Variants in PMS1 observed in about 807,000 individuals in gnomAD.
PMS1 encodes the protein PMS1 protein homolog 1.
PMS1 carries 79 observed loss-of-function variants against 93.1 expected under a neutral mutation model. That is an observed-to-expected ratio of 0.85 (90% confidence interval 0.71 to 1.02). The LOEUF (loss-of-function observed/expected upper bound fraction) is 1.02, where lower values mean the gene tolerates loss of function less well. Among genes scored for constraint, PMS1 ranks in the 50% least tolerant of loss-of-function variants. PMS1 has a pLI of 0.00. For synonymous variants in PMS1, 335 were observed against 363.4 expected, an observed-to-expected ratio of 0.92 and a Z score of 0.89; for missense variants, 1,064 against 1,085.3, an observed-to-expected ratio of 0.98 and a Z score of 0.28.
At chr2:189,847,228 A>G (rs2054331267) in intron 6 of PMS1, among the ~76,000 whole-genome samples, 1 of 151,808 alleles carries the variant, frequency 6.6e-6, no homozygotes, top group Non-Finnish European at 1.5e-5. Flanking sequence ...GTCTTTTATT[A>G]TTTGTTTATT....
chr2:189,877,531 C>A lies in PMS1; in HGVS notation c.*95C>A. 2 of 815,082 alleles carry A rather than the reference C, an allele frequency of 2.5e-6. No individual in the cohort carries two copies. Among genetic ancestry groups the A allele is most frequent in the Admixed American group, 2.5e-5 (1 of 40,718 alleles). 50.5% of individuals were successfully genotyped at this position (815,082 alleles called of 1,614,324 possible). ...TAAATTATCTTTGTATTATGTGTCA[C>A]ATGGTTATTTTTTAAATGAGGATTC... is the stretch of plus-strand genomic sequence containing the variant. On this transcript the variant is annotated 3_prime_UTR_variant, in exon 13 of 13. Coordinates refer to ENST00000441310, the MANE Select transcript of PMS1 (RefSeq NM_000534.5).
In PMS1 at chr2:189,857,530, C is replaced by T. The variant is rs369884887; in HGVS notation, c.1856+2402C>T. On this transcript the variant is annotated intron_variant, in intron 9 of 12. Coordinates refer to ENST00000441310, the MANE Select transcript of PMS1 (RefSeq NM_000534.5). The stretch of plus-strand genomic sequence containing the variant: ...GTATATTAAGAGATATGAGAGTAGA[C>T]GCCTCTTCTATAGACCTTCAGTCCA... 2.6e-4 allele frequency: 119 copies of T among 461,324 alleles called. No individual in the cohort carries two copies. The East Asian group carries it at 4.9e-3, about 19-fold the overall frequency. The allele number at this position is 461,324 out of a possible 1,614,324, so 28.6% of individuals were successfully genotyped here.
chr2:189,852,920 A>G, intron 7 of PMS1, 143 bp downstream of exon 7: 1 of 649,546 alleles, frequency 1.5e-6, no homozygotes, highest in Non-Finnish European at 2.7e-6. Flanking sequence ...AGAAAGACAT[A>G]TGATGTCTCT....
intron 5 of PMS1, among the ~76,000 whole-genome samples, chr2:189,838,081 T>A (rs2053538203): frequency 6.6e-6 from 1 of 152,228 alleles, no homozygotes; most frequent in Admixed American, 6.5e-5. Context: ...TAAATCATGC[T>A]GTTGGTTGCA....
At chr2:189,806,615 T>G (rs1295858867) in intron 4 of PMS1, 1 of 200,630 alleles carries the variant, frequency 5.0e-6, no homozygotes, top group Admixed American at 6.0e-5. Flanking sequence ...CCAGCTGGCC[T>G]CGAACTCCTG....
Position 189,872,955 on chromosome 2 carries a change from T to A in PMS1, c.2474-541T>A, listed in dbSNP as rs2057280439. On this transcript the variant is annotated intron_variant, in intron 11 of 12. Coordinates refer to ENST00000441310, the MANE Select transcript of PMS1 (RefSeq NM_000534.5). ...AGCCATTTAGTTTTATTTTAATTACTAAGAGTAATTTAAGTAACAGTTAAC... is the reference window on the plus strand; with the variant it reads ...AGCCATTTAGTTTTATTTTAATTACAAAGAGTAATTTAAGTAACAGTTAAC... Among the ~76,000 whole-genome samples the A allele has an allele frequency of 2.6e-5, 4 of 152,212 alleles. No homozygotes were observed. The South Asian group carries it at 8.3e-4, about 32-fold the overall frequency.
rs111430053 is a variant in PMS1 at position 189,869,800 on chromosome 2, G to A, written c.2473+1871G>A. 6.8e-5 allele frequency among the ~76,000 whole-genome samples: 10 copies of A among 147,928 alleles called. No individual in the cohort carries two copies. In the East Asian group the frequency reaches 9.9e-4, roughly 15 times the overall value. On this transcript the variant is annotated intron_variant, in intron 11 of 12. Transcript: ENST00000441310. ...CCACTGCACTCTAGCCTGCATGACC[G>A]AGTGAGACTCCATCTTAAAAAAAAA...
intron 6 of PMS1, among the ~76,000 whole-genome samples, chr2:189,845,761 C>T (rs1019485572): frequency 8.6e-5 from 13 of 152,032 alleles, no homozygotes; most frequent in South Asian, 4.2e-4. Flanking sequence ...GATGGAGTCT[C>T]GCTTTATCAC....
intron 4 of PMS1, among the ~76,000 whole-genome samples, chr2:189,814,941 T>C (rs938629546): frequency 1.3e-5 from 2 of 151,388 alleles, no homozygotes; most frequent in Non-Finnish European, 2.9e-5. Context: ...ACCAAAAAAA[T>C]ACAAAAAATT....
At chr2:189,791,427 C>G (rs2048856721) in intron 1 of PMS1, among the ~76,000 whole-genome samples, 2 of 152,040 alleles carry the variant, frequency 1.3e-5, no homozygotes, top group African/African-American at 4.8e-5. Flanking sequence ...TGAGACCAGC[C>G]TGACCAACTT....
Position 189,852,722 on chromosome 2 carries a change from A to G in PMS1, c.767A>G (p.Glu256Gly), listed in dbSNP as rs771521891. Residue 256 changes from glutamate (E) to glycine (G), a missense_variant, in exon 7 of 13, where the codon GAA becomes GGA. Transcript: ENST00000441310. ...TCTTTCACTAGTCTTTCAACACCAG[A>G]AAGAAGTTTCATCTTCATAAACAGT... ...DHSFTSLSTP[E>G]RSFIFINSRP... The G allele has an allele frequency of 6.3e-7, 1 of 1,596,088 alleles. No individual in the cohort carries two copies. The highest frequency in any genetic ancestry group is 8.6e-7 in the Non-Finnish European group (1 of 1,163,728).
intron 12 of PMS1, 125 bp downstream of exon 12, chr2:189,873,781 C>T: frequency 1.5e-6 from 1 of 666,862 alleles, no homozygotes; most frequent in Non-Finnish European, 2.7e-6. Context: ...CACCTGAGCT[C>T]TGCCTTCTGT....
At chr2:189,839,779 A>G (rs1034910474) in intron 5 of PMS1, among the ~76,000 whole-genome samples, 1 of 152,138 alleles carries the variant, frequency 6.6e-6, no homozygotes, top group Non-Finnish European at 1.5e-5. Context: ...TTTTATCTTT[A>G]TATTCCCAGA....
chr2:189,818,284 C>T, intron 5 of PMS1, 104 bp downstream of exon 5: 1 of 766,920 alleles, frequency 1.3e-6, no homozygotes, highest in Non-Finnish European at 2.2e-6. Context: ...TGTTTGTGTG[C>T]CCTCACAAAA....
Position 189,806,017 on chromosome 2 carries a change from A to G in PMS1, c.418+263A>G, listed in dbSNP as rs1402743939. The stretch of plus-strand genomic sequence containing the variant: ...TCCTCTGTAAAAACTAAGAGTATTT[A>G]TTTTACCAGTGCTGGATTACCAGTG... On this transcript the variant is annotated intron_variant, in intron 4 of 12. Transcript: ENST00000441310. 4.5e-6 allele frequency: 5 copies of G among 1,118,948 alleles called. No homozygotes were observed. In the Admixed American group the frequency reaches 1.3e-4, roughly 30 times the overall value. 69.3% of individuals were successfully genotyped at this position (1,118,948 alleles called of 1,614,324 possible).
rs995470329 is a variant in PMS1 at position 189,877,437 on chromosome 2, T to C, written c.*1T>C. On this transcript the variant is annotated 3_prime_UTR_variant, in exon 13 of 13. Coordinates refer to ENST00000441310, the MANE Select transcript of PMS1 (RefSeq NM_000534.5). ...AACCTATCTTCCAGAAACTACATGATTAAATATGTTTAAGAAGATTAGTTA... is the reference window on the plus strand; with the variant it reads ...AACCTATCTTCCAGAAACTACATGACTAAATATGTTTAAGAAGATTAGTTA... The C allele has an allele frequency of 3.0e-5, 48 of 1,598,916 alleles. No homozygotes were observed. Among genetic ancestry groups the C allele is most frequent in the Non-Finnish European group, 4.1e-5 (48 of 1,166,334 alleles).
At chr2:189,827,265 C>T (rs764110557) in intron 5 of PMS1, among the ~76,000 whole-genome samples, 2 of 152,206 alleles carry the variant, frequency 1.3e-5, no homozygotes, top group East Asian at 3.8e-4. Flanking sequence ...ACACATTTCT[C>T]TATTCCAACA....
chr2:189,855,289 T>C (rs375318721), intron 9 of PMS1, among the ~76,000 whole-genome samples, 161 bp downstream of exon 9: 8 of 152,034 alleles, frequency 5.3e-5, no homozygotes, highest in African/African-American at 1.4e-4. Context: ...CACTTTTTTT[T>C]TCTGCTAATT....
chr2:189,784,654 C>G (rs984881580), intron 1 of PMS1, 61 bp downstream of exon 1: 4 of 152,462 alleles, frequency 2.6e-5, no homozygotes, highest in African/African-American at 9.6e-5. Flanking sequence ...GCCCCGTCCC[C>G]TCTACTCGTC....
Sources: allele counts gnomAD v4.1 joint callset (sites outside exome capture counted in the v4.1 genomes callset), GRCh38; gene constraint gnomAD v4.1.1; transcripts MANE v1.5; gene names NCBI Gene and HGNC (gene_info 2026-07-23, HGNC 2026-07-21).